The following ZNF276 variants were observed in gnomAD, a reference collection of about 807,000 sequenced individuals.
The protein encoded by ZNF276 is zinc finger protein 276, also known as centromere protein Z.
In ZNF276, 59 loss-of-function variants were observed where a neutral mutation model predicts 63.9. That is an observed-to-expected ratio of 0.92 (90% CI 0.75 to 1.15). The LOEUF is 1.15. Ranked by LOEUF, ZNF276 falls within the 50% of genes most tolerant of loss-of-function variation. ZNF276 has a pLI of 0.00. For missense variants in ZNF276, 1,084 were observed against 843.8 expected, an observed-to-expected ratio of 1.28 and a Z score of -3.53; for synonymous variants, 496 against 348.4, an observed-to-expected ratio of 1.42 and a Z score of -4.72.
Position 89,723,273 on chromosome 16 carries a change from A to T in ZNF276, c.570A>T (p.Thr190=). 2 of 1,613,060 alleles carry T rather than the reference A, an allele frequency of 1.2e-6. No individual in the cohort carries two copies. Among genetic ancestry groups the T allele is most frequent in the Non-Finnish European group, 1.7e-6 (2 of 1,179,960 alleles). ...EEGACLVDLI[T]SSPQCLHGLV... ...GACTCTCTGCAGTGGATCTGATCAC[A>T]TCCAGCCCCCAGTGCCTGCACGGCT... The change falls in exon 4 of 11, where the codon ACA becomes ACT. Residue 190 remains threonine, a synonymous_variant. Transcript: ENST00000443381.
chr16:89,724,830 C>T (rs2061419356), intron 4 of ZNF276, among the ~76,000 whole-genome samples: 1 of 132,748 alleles, frequency 7.5e-6, no homozygotes, highest in Non-Finnish European at 1.8e-5. Context: ...ATCTACCTAC[C>T]TACCTATCTA....
At position 89,721,698 on chromosome 16, in the gene ZNF276, G is replaced by T; in HGVS notation, c.58G>T (p.Ala20Ser). 7.2e-7 allele frequency: 1 copy of T among 1,384,328 alleles called. No homozygotes were observed. The highest frequency in any genetic ancestry group is 9.3e-7 in the Non-Finnish European group (1 of 1,070,428). The allele number at this position is 1,384,328 out of a possible 1,614,324, so 85.8% of individuals were successfully genotyped here. Residue 20 changes from alanine to serine, a missense_variant, in exon 1 of 11, where the codon GCC becomes TCC. By Grantham distance (99) the Ala-to-Ser change is moderately conservative. Coordinates refer to ENST00000443381, the MANE Select transcript of ZNF276 (RefSeq NM_001113525.2). ...TCCTGGGTCGTCCCGACAGTGCGGGGCCTCGGACGGCGGCGGCGGCGTCAG... is the reference window on the plus strand; with the variant it reads ...TCCTGGGTCGTCCCGACAGTGCGGGTCCTCGGACGGCGGCGGCGGCGTCAG... ...LSPGSSRQCG[A>S]SDGGGGVSRT...
upstream of ZNF276, chr16:89,720,566 G>A (rs2151649542): frequency 2.5e-6 from 3 of 1,192,358 alleles, no homozygotes; most frequent in Non-Finnish European, 3.1e-6. Flanking sequence ...AGGTCCGCAG[G>A]ATCTGAGCTG....
intron 6 of ZNF276, 122 bp downstream of exon 6, chr16:89,729,440 C>A: frequency 2.3e-6 from 2 of 880,006 alleles, no homozygotes; most frequent in Admixed American, 2.5e-5. Context: ...ATCTCCCGAG[C>A]CCAGTGAAAC....
chr16:89,729,516 C>A (rs1488829316), intron 6 of ZNF276, among the ~76,000 whole-genome samples, 198 bp downstream of exon 6: 1 of 152,098 alleles, frequency 6.6e-6, no homozygotes, highest in African/African-American at 2.4e-5. Context: ...GTGGGTCCTC[C>A]TGGTGCTTTG....
Position 89,740,055 on chromosome 16 carries a change from G to T in ZNF276, c.*1809G>T, listed in dbSNP as rs2062089414. The T allele has an allele frequency of 6.2e-7, 1 of 1,614,176 alleles. No homozygotes were observed. The highest frequency in any genetic ancestry group is 8.5e-7 in the Non-Finnish European group (1 of 1,180,042). Reference sequence around the variant, plus strand: ...TCTTCCTCTTCTCTAAACACTCGAGGATTGCTGCACAAACGTGGAAAGCCT... The same window carrying T: ...TCTTCCTCTTCTCTAAACACTCGAGTATTGCTGCACAAACGTGGAAAGCCT... On this transcript the variant is annotated 3_prime_UTR_variant, in exon 11 of 11. Coordinates refer to ENST00000443381, the MANE Select transcript of ZNF276 (RefSeq NM_001113525.2).
At chr16:89,725,688 G>T (rs1328466428) in intron 4 of ZNF276, among the ~76,000 whole-genome samples, 1 of 152,080 alleles carries the variant, frequency 6.6e-6, no homozygotes, top group Non-Finnish European at 1.5e-5. Context: ...CTACTTGGGA[G>T]GCTGAGGCAG....
rs945183670 is a variant in ZNF276, at chr16:89,721,693, G to C, written c.53G>C (p.Cys18Ser). 3.6e-6 allele frequency: 5 copies of C among 1,397,288 alleles called. No individual in the cohort carries two copies. The East Asian group carries it at 1.2e-4, about 35-fold the overall frequency. The allele number at this position is 1,397,288 out of a possible 1,614,324, so 86.6% of individuals were successfully genotyped here. A position where few individuals can be genotyped will look rare whatever the true frequency, so the allele number is the denominator to read the frequency against. The change falls in exon 1 of 11, where the codon TGC (cysteine) becomes TCC (serine). Residue 18 changes from cysteine to serine, a missense_variant. Cys to Ser is a moderately radical substitution (Grantham distance 112, BLOSUM62 -1). Transcript: ENST00000443381. The part of the protein sequence containing the change: ...RFLSPGSSRQ[C>S]GASDGGGGVS... ...CTGTCTCCTGGGTCGTCCCGACAGTGCGGGGCCTCGGACGGCGGCGGCGGC... is the reference window on the plus strand; with the variant it reads ...CTGTCTCCTGGGTCGTCCCGACAGTCCGGGGCCTCGGACGGCGGCGGCGGC...
intron 1 of ZNF276, 122 bp from the exon 2 acceptor site, chr16:89,722,407 CTT>C: frequency 8.7e-7 from 1 of 1,149,870 alleles, no homozygotes; most frequent in Non-Finnish European, 1.2e-6. Flanking sequence ...GCCCGAGCCG[CTT>C]GCTGTGTCCG....
Position 89,739,615 on chromosome 16 carries a change from G to A in ZNF276, c.*1369G>A, listed in dbSNP as rs528816619. 1.3e-5 allele frequency: 20 copies of A among 1,532,410 alleles called. No homozygotes were observed. The highest frequency in any genetic ancestry group is 1.8e-5 in the Non-Finnish European group (20 of 1,130,602). 94.9% of individuals were successfully genotyped at this position (1,532,410 alleles called of 1,614,324 possible). A position where few individuals can be genotyped will look rare whatever the true frequency, so the allele number is the denominator to read the frequency against. On this transcript the variant is annotated 3_prime_UTR_variant, in exon 11 of 11. Transcript: ENST00000443381. ...ATCTCTGCCTATTATCAGTGCTGGG[G>A]ACACCCCTGGGGGTCGGGACGTGTA...
In ZNF276 at chr16:89,722,605, A is replaced by G. The variant is rs2061332697; in HGVS notation, c.280A>G (p.Ile94Val). 1 of 1,612,046 alleles carries G rather than the reference A, an allele frequency of 6.2e-7. No individual in the cohort carries two copies. The highest frequency in any genetic ancestry group is 1.7e-5 in the Admixed American group (1 of 60,002). ...GKFSSRSLRS[I>V]SERAPGASME... ...GTTTTCCTCGAGAAGCCTGCGCAGC[A>G]TCTCCGAGAGGGCGCCTGGAGCGAG... The change falls in exon 2 of 11, where the codon ATC (isoleucine) becomes GTC (valine). Residue 94 changes from isoleucine to valine, a missense_variant. Coordinates refer to ENST00000443381, the MANE Select transcript of ZNF276 (RefSeq NM_001113525.2).
At position 89,733,334 on chromosome 16, in the gene ZNF276, C is replaced by A; in HGVS notation, c.1202C>A (p.Ala401Asp). The stretch of plus-strand genomic sequence containing the variant: ...GGTAAGAAGAGTGAAAGCAAAGAAG[C>A]CAAGAAGTCTGAAGAACCAAGAATT... ...VSGKKSESKE[A>D]KKSEEPRIRK... The change falls in exon 7 of 11, where the codon GCC (alanine) becomes GAC (aspartate). Residue 401 changes from alanine (A) to aspartate (D), a missense_variant. Physicochemically the swap from Ala to Asp is moderately radical, Grantham distance 126 (BLOSUM62 -2). Transcript: ENST00000443381. The A allele has an allele frequency of 6.2e-7, 1 of 1,614,132 alleles. No homozygotes were observed. Among genetic ancestry groups the A allele is most frequent in the East Asian group, 2.2e-5 (1 of 44,894 alleles).
intron 4 of ZNF276, among the ~76,000 whole-genome samples, chr16:89,724,837 T>C (rs79684837): frequency 2.7e-4 from 20 of 73,100 alleles, no homozygotes; most frequent in Middle Eastern, 8.5e-3. Context: ...TACCTACCTA[T>C]CTATCTTCCT....
intron 5 of ZNF276, among the ~76,000 whole-genome samples, chr16:89,728,359 G>A (rs1452162826): frequency 2.0e-5 from 3 of 151,918 alleles, no homozygotes; most frequent in Non-Finnish European, 2.9e-5. Flanking sequence ...CGAGTAGCTG[G>A]GATTACAGGC....
intron 4 of ZNF276, among the ~76,000 whole-genome samples, chr16:89,725,701 G>A (rs538502854): frequency 7.9e-5 from 12 of 152,184 alleles, no homozygotes; most frequent in Admixed American, 7.8e-4. Context: ...TGAGGCAGGA[G>A]AATCGCTTGA....
In ZNF276 at chr16:89,739,170, G is replaced by C. The variant is rs199599393; in HGVS notation, c.*924G>C. ...CTCCAGGCTCCTGCCAGCTGGAGGT[G>C]AAACTGTGCTTGTATCCCCAGCCAC... On this transcript the variant is annotated 3_prime_UTR_variant, in exon 11 of 11. Transcript: ENST00000443381. 3.1e-6 allele frequency: 5 copies of C among 1,614,174 alleles called. No homozygotes were observed. Among genetic ancestry groups the C allele is most frequent in the Admixed American group, 1.7e-5 (1 of 60,030 alleles).
Position 89,739,652 on chromosome 16 carries a change from C to G in ZNF276, c.*1406C>G, listed in dbSNP as rs2062075425. On this transcript the variant is annotated 3_prime_UTR_variant, in exon 11 of 11. Transcript: ENST00000443381. ...GGTCGGGACGTGTACCCTGGGAGGC[C>G]TGGCTGTGGGGATAGTGTGGGGCGA... 3 of 1,513,962 alleles carry G rather than the reference C, an allele frequency of 2.0e-6. No individual in the cohort carries two copies. The highest frequency in any genetic ancestry group is 1.2e-5 in the South Asian group (1 of 83,012). 93.8% of individuals were successfully genotyped at this position (1,513,962 alleles called of 1,614,324 possible). A position where few individuals can be genotyped will look rare whatever the true frequency, so the allele number is the denominator to read the frequency against.
rs1476649258 is a variant in ZNF276, at chr16:89,740,651, A to C, written c.*2405A>C. On this transcript the variant is annotated 3_prime_UTR_variant, in exon 11 of 11. Coordinates refer to ENST00000443381, the MANE Select transcript of ZNF276 (RefSeq NM_001113525.2). ...ACCCCCATCTCAAAAAAAAAAAAAA[A>C]AAACCCACGGCCTGGGAGTTCTCAC... 12 of 654,912 alleles carry C rather than the reference A, an allele frequency of 1.8e-5. No individual in the cohort carries two copies. The highest frequency in any genetic ancestry group is 3.3e-5 in the Non-Finnish European group (12 of 369,012). The allele number at this position is 654,912 out of a possible 1,614,324, so 40.6% of individuals were successfully genotyped here. A position where few individuals can be genotyped will look rare whatever the true frequency, so the allele number is the denominator to read the frequency against.
Position 89,721,790 on chromosome 16 carries a change from C to T in ZNF276, c.150C>T (p.Ala50=). 1.6e-6 allele frequency: 2 copies of T among 1,259,008 alleles called. No individual in the cohort carries two copies. Among genetic ancestry groups the T allele is most frequent in the East Asian group, 3.2e-5 (1 of 31,140 alleles). 78.0% of individuals were successfully genotyped at this position (1,259,008 alleles called of 1,614,324 possible). The change falls in exon 1 of 11, where the codon GCC becomes GCT. Residue 50 remains alanine, a synonymous_variant. Transcript: ENST00000443381. The part of the protein sequence containing the change: ...PRVDGATARR[A]WGPVGSCGDA... ...TGGACGGGGCGACGGCGCGGCGCGC[C>T]TGGGGCCCGGTGGGGTCCTGCGGGG...
Sources: gnomAD v4.1 joint callset for allele counts (sites outside exome capture counted in the v4.1 genomes callset) on GRCh38, gnomAD v4.1.1 for gene constraint, MANE v1.5 for transcripts, NCBI Gene and HGNC (gene_info 2026-07-23, HGNC 2026-07-21) for gene names.